The following ZCRB1 variants were observed in gnomAD, a reference collection of about 807,000 sequenced individuals.
ZCRB1 encodes zinc finger CCHC-type and RNA-binding motif-containing protein 1.
Under a neutral mutation model 29.9 loss-of-function variants are expected in ZCRB1, and 21 were observed. The observed-to-expected ratio is 0.70, with a 90% CI of 0.50 to 1.01. ZCRB1 has a LOEUF of 1.01. Among genes scored for constraint, ZCRB1 ranks in the 50% least tolerant of loss-of-function variants. The pLI is 0.00. For synonymous variants in ZCRB1, 77 were observed against 80.0 expected (o/e 0.96, Z 0.20); for missense variants, 204 against 253.3 (o/e 0.81, Z 1.32).
At position 42,312,938 on chromosome 12, in the gene ZCRB1, T is replaced by C. The variant is rs74078016; in HGVS notation, c.*129A>G. On this transcript the variant is annotated 3_prime_UTR_variant, in exon 8 of 8. Coordinates refer to ENST00000266529, the MANE Select transcript of ZCRB1 (RefSeq NM_033114.4). ...ACTTTTCAAATAAATTTTTAAAATA[T>C]CTTTTTTCTTGGGATGACAATAATA... 6,444 of 1,000,220 alleles carry C rather than the reference T, an allele frequency of 6.4e-3. 306 individuals carry two copies. The African/African-American group carries it at 0.097, about 15-fold the overall frequency. 62.0% of individuals were successfully genotyped at this position (1,000,220 alleles called of 1,614,324 possible).
chr12:42,324,514 AAAAC>A (rs1340246566), intron 1 of ZCRB1, among the ~76,000 whole-genome samples: 2 of 152,252 alleles, frequency 1.3e-5, no homozygotes, highest in Non-Finnish European at 2.9e-5. Flanking sequence ...TATTTGGAAA[AAAAC>A]AAAAAACAAA....
chr12:42,313,975 G>A lies in ZCRB1; in HGVS notation c.345C>T (p.His115=). Residue 115 remains histidine (H), a synonymous_variant, in exon 6 of 8, where the codon CAC becomes CAT. Coordinates refer to ENST00000266529, the MANE Select transcript of ZCRB1 (RefSeq NM_033114.4). ...SKCYECGESG[H]LSYACPKNML... Reference sequence around the variant, plus strand: ...TATTTTTCGGACAGGCATAACTTAAGTGTCCACTTTCCTTTTGTTTCCCAT... The same window carrying A: ...TATTTTTCGGACAGGCATAACTTAAATGTCCACTTTCCTTTTGTTTCCCAT... 2 of 1,590,224 alleles carry A rather than the reference G, an allele frequency of 1.3e-6. No homozygotes were observed. Among genetic ancestry groups the A allele is most frequent in the Non-Finnish European group, 1.7e-6 (2 of 1,174,850 alleles).
At chr12:42,322,095 T>C (rs1164128333) in intron 3 of ZCRB1, among the ~76,000 whole-genome samples, 1 of 152,202 alleles carries the variant, frequency 6.6e-6, no homozygotes, top group African/African-American at 2.4e-5. Context: ...ACTTATAGTA[T>C]ACTTGATAAC....
In ZCRB1 at chr12:42,324,805, C is replaced by CA. The variant is rs1409962976; in HGVS notation, c.-2-702dup. Among the ~76,000 whole-genome samples the CA allele has an allele frequency of 1.1e-4, 16 of 152,000 alleles. No individual in the cohort carries two copies. In the East Asian group the frequency reaches 2.7e-3, roughly 26 times the overall value. Reference sequence around the variant, plus strand: ...TCCTAACTTCCACTCAGACCATGAGCAAAAAAAATGCTCTATTGAATATGT... The same window carrying CA: ...TCCTAACTTCCACTCAGACCATGAGCAAAAAAAAATGCTCTATTGAATATGT... On this transcript the variant is annotated intron_variant, in intron 1 of 7. Coordinates refer to ENST00000266529, the MANE Select transcript of ZCRB1 (RefSeq NM_033114.4).
intron 5 of ZCRB1, 39 bp downstream of exon 5, chr12:42,317,301 A>C (rs757881669): frequency 1.4e-6 from 2 of 1,468,852 alleles, no homozygotes; most frequent in Non-Finnish European, 1.9e-6. Flanking sequence ...AAAGTATCTT[A>C]AACTATGGAA....
In ZCRB1 at chr12:42,312,854, G is replaced by C; in HGVS notation, c.*213C>G. The C allele has an allele frequency of 2.7e-6, 1 of 372,392 alleles. No individual in the cohort carries two copies. The allele number at this position is 372,392 out of a possible 1,614,324, so 23.1% of individuals were successfully genotyped here. ...CGGTCTTCAGGAAGTTTGTTTTAAG[G>C]ATTAATTTCAGAAGTCCTCATGTAA... On this transcript the variant is annotated 3_prime_UTR_variant, in exon 8 of 8. Coordinates refer to ENST00000266529, the MANE Select transcript of ZCRB1 (RefSeq NM_033114.4).
Position 42,315,932 on chromosome 12 carries a change from T to C in ZCRB1, c.333+1408A>G, listed in dbSNP as rs1048727104. ...ATCCATCAGTCTGTTTATTTAGTTA[T>C]CTTTTTTGTCGGGGGTATGGGGAGT... is the stretch of plus-strand genomic sequence containing the variant. On this transcript the variant is annotated intron_variant, in intron 5 of 7. Coordinates refer to ENST00000266529, the MANE Select transcript of ZCRB1 (RefSeq NM_033114.4). Among the ~76,000 whole-genome samples, 17 of 152,108 alleles carry C rather than the reference T, an allele frequency of 1.1e-4. No homozygotes were observed. The East Asian group carries it at 3.1e-3, about 28-fold the overall frequency.
chr12:42,313,958 G>A lies in ZCRB1; in HGVS notation c.362C>T (p.Pro121Leu), dbSNP rs370371728. 4.0e-5 allele frequency: 64 copies of A among 1,600,056 alleles called. No individual in the cohort carries two copies. In the African/African-American group the frequency reaches 6.8e-4, roughly 17 times the overall value. The change falls in exon 6 of 8, where the codon CCG (proline) becomes CTG (leucine). Residue 121 changes from proline to leucine, a missense_variant. Coordinates refer to ENST00000266529, the MANE Select transcript of ZCRB1 (RefSeq NM_033114.4). The part of the protein sequence containing the change: ...GESGHLSYAC[P>L]KNMLGEREPP... ...CTCACGTTCTCCGAGCATATTTTTC[G>A]GACAGGCATAACTTAAGTGTCCACT... is the stretch of plus-strand genomic sequence containing the variant.
chr12:42,318,734 G>C (rs1054552988), intron 3 of ZCRB1, among the ~76,000 whole-genome samples: 3 of 152,174 alleles, frequency 2.0e-5, no homozygotes, highest in Non-Finnish European at 4.4e-5. Flanking sequence ...GAAGGTAAGA[G>C]AGTGCAAGAG....
intron 5 of ZCRB1, among the ~76,000 whole-genome samples, chr12:42,316,655 G>C (rs1592102305): frequency 6.6e-6 from 1 of 152,268 alleles, no homozygotes; most frequent in South Asian, 2.1e-4. Context: ...ATATCCCATA[G>C]AGGATAAAGT....
At chr12:42,317,208 T>A in intron 5 of ZCRB1, 132 bp downstream of exon 5, 1 of 624,386 alleles carries the variant, frequency 1.6e-6, no homozygotes, top group Non-Finnish European at 2.6e-6. Flanking sequence ...CTCAAAAAAA[T>A]AAATATTAAA....
At chr12:42,323,627 AT>A (rs1012236701) in intron 2 of ZCRB1, 15 of 161,048 alleles carry the variant, frequency 9.3e-5, no homozygotes, top group Non-Finnish European at 1.4e-4. Flanking sequence ...TATAGCTTCT[AT>A]TTTTTTTTCT....
At chr12:42,321,624 A>T (rs1267610725) in intron 3 of ZCRB1, among the ~76,000 whole-genome samples, 1 of 152,230 alleles carries the variant, frequency 6.6e-6, no homozygotes, top group Non-Finnish European at 1.5e-5. Context: ...TAGCAAAGTA[A>T]CTGTAAAAGA....
intron 2 of ZCRB1, 97 bp downstream of exon 2, chr12:42,323,922 G>GAAAA: frequency 2.3e-6 from 2 of 881,892 alleles, no homozygotes; most frequent in East Asian, 3.0e-5. Context: ...CTCAAAAAAA[G>GAAAA]AAAAAAAAAA....
chr12:42,313,314 C>G (rs1262768985), intron 7 of ZCRB1, 116 bp from the exon 8 acceptor site: 1 of 1,126,994 alleles, frequency 8.9e-7, no homozygotes, highest in African/African-American at 1.6e-5. Context: ...CCCTCCCAGT[C>G]CATGCAGACA....
rs1483843733 is a variant in ZCRB1, at chr12:42,313,969, A to T, written c.351T>A (p.Ser117Arg). The T allele has an allele frequency of 1.5e-5, 24 of 1,592,994 alleles. No homozygotes were observed. Among genetic ancestry groups the T allele is most frequent in the Non-Finnish European group, 2.0e-5 (24 of 1,175,646 alleles). ...CGAGCATATTTTTCGGACAGGCATA[A>T]CTTAAGTGTCCACTTTCCTTTTGTT... ...CYECGESGHLSYACPKNMLGE... is the reference protein window; with the variant it reads ...CYECGESGHLRYACPKNMLGE... Residue 117 changes from serine to arginine, a missense_variant, in exon 6 of 8, where the codon AGT (serine) becomes AGA (arginine). Transcript: ENST00000266529.
At chr12:42,314,495 T>C (rs919904196) in intron 5 of ZCRB1, among the ~76,000 whole-genome samples, 9 of 148,906 alleles carry the variant, frequency 6.0e-5, no homozygotes, top group Non-Finnish European at 1.2e-4. Flanking sequence ...GGTAGGAGAA[T>C]TGCTTAAACC....
At chr12:42,323,406 T>C (rs527486029) in intron 2 of ZCRB1, among the ~76,000 whole-genome samples, 3 of 151,524 alleles carry the variant, frequency 2.0e-5, no homozygotes, top group Non-Finnish European at 2.9e-5. Context: ...CTCTAGAATT[T>C]GCACAGGTGC....
In ZCRB1 at chr12:42,313,900, CTTTTT is replaced by C. The variant is rs750821771; in HGVS notation, c.415_419del (p.Lys139GlufsTer4). The stretch of plus-strand genomic sequence containing the variant: ...TTTCTTCTTCTGGTTCAGGAGCTTT[CTTTTT>C]TTTCTTTTTTTCTTTCTTCTTTGGA... On this transcript the variant is annotated frameshift_variant, in exon 6 of 8. Transcript: ENST00000266529. LOFTEE classifies it high-confidence loss of function. The C allele has an allele frequency of 1.2e-6, 2 of 1,602,176 alleles. No individual in the cohort carries two copies. The highest frequency in any genetic ancestry group is 1.7e-6 in the Non-Finnish European group (2 of 1,177,352).
Sources: allele counts gnomAD v4.1 joint callset (sites outside exome capture counted in the v4.1 genomes callset), GRCh38; gene constraint gnomAD v4.1.1; transcripts MANE v1.5; gene names NCBI Gene and HGNC (gene_info 2026-07-23, HGNC 2026-07-21).